Variants in ENTPD2 observed in about 807,000 individuals in gnomAD.
ENTPD2 encodes the protein CD39 antigen-like 1.
Under a neutral mutation model 46.8 loss-of-function variants are expected in ENTPD2, and 48 were observed. The ratio of observed to expected loss-of-function variants is 1.03; its 90% confidence interval spans 0.81 to 1.30. The LOEUF is 1.30. Among genes scored for constraint, ENTPD2 ranks in the 50% most tolerant of loss-of-function variants. The pLI is 0.00. For synonymous variants in ENTPD2, 316 were observed against 286.1 expected, an observed-to-expected ratio of 1.10 and a Z score of -1.06; for missense variants, 707 against 651.1, an observed-to-expected ratio of 1.09 and a Z score of -0.93.
At position 137,048,229 on chromosome 9, in the gene ENTPD2, T is replaced by G; in HGVS notation, c.*428A>C. 1 of 174,368 alleles carries G rather than the reference T, an allele frequency of 5.7e-6. No individual in the cohort carries two copies. Among genetic ancestry groups the G allele is most frequent in the Non-Finnish European group, 1.2e-5 (1 of 81,206 alleles). The allele number at this position is 174,368 out of a possible 1,614,324, so 10.8% of individuals were successfully genotyped here. On this transcript the variant is annotated 3_prime_UTR_variant, in exon 9 of 9. Transcript: ENST00000355097. ...CACAGAAGGAGCCTCTAAGGGCTGATTCTCAGGACCAAGGCCCCACTCTCT... is the reference window on the plus strand; with the variant it reads ...CACAGAAGGAGCCTCTAAGGGCTGAGTCTCAGGACCAAGGCCCCACTCTCT...
chr9:137,048,740 G>A lies in ENTPD2; in HGVS notation c.1405C>T (p.Leu469=). The A allele has an allele frequency of 6.2e-7, 1 of 1,604,690 alleles. No homozygotes were observed. The highest frequency in any genetic ancestry group is 8.5e-7 in the Non-Finnish European group (1 of 1,176,150). ...TDFSSWVVLL[L]LFASALLAAL... is the part of the protein sequence containing the mutation. ...GCCAGGAGCGCGGAGGCGAAGAGCA[G>A]CAGGAGGACGACCCAGGAGCTGAAG... is the stretch of plus-strand genomic sequence containing the variant. The change falls in exon 9 of 9, where the codon CTG becomes TTG. Residue 469 remains leucine, a synonymous_variant. Transcript: ENST00000355097.
chr9:137,048,987 T>TCAGC lies in ENTPD2; in HGVS notation c.1237_1238insGCTG (p.Tyr413CysfsTer2), dbSNP rs1401273933. 2.1e-5 allele frequency: 32 copies of TCAGC among 1,534,508 alleles called. No homozygotes were observed. Among genetic ancestry groups the TCAGC allele is most frequent in the African/African-American group, 1.8e-4 (13 of 72,458 alleles). On this transcript the variant is annotated stop_gained and frameshift_variant, in exon 8 of 9. Transcript: ENST00000355097. LOFTEE classifies it low-confidence loss of function (END_TRUNC). Reference sequence around the variant, plus strand: ...GCCGAAGGCGCGCTCGTCGAAGCCGTAGCCGCGACTCAGCAGCTGCTGCAC... The same window carrying TCAGC: ...GCCGAAGGCGCGCTCGTCGAAGCCGTCAGCAGCCGCGACTCAGCAGCTGCTGCAC...
intron 7 of ENTPD2, 102 bp from the exon 8 acceptor site, chr9:137,049,177 C>G (rs1421238915): frequency 6.6e-7 from 1 of 1,522,148 alleles, no homozygotes; most frequent in Non-Finnish European, 8.8e-7. Context: ...CCCAGACACA[C>G]ACGGGCCGTG....
chr9:137,049,819 C>A, intron 7 of ENTPD2, 51 bp downstream of exon 7: 1 of 1,559,612 alleles, frequency 6.4e-7, no homozygotes, highest in African/African-American at 1.4e-5. Context: ...CATGCGGAGG[C>A]GGAGGCTGAG....
In ENTPD2 at chr9:137,049,044, C is replaced by G; in HGVS notation, c.1181G>C (p.Arg394Pro). The change falls in exon 8 of 9, where the codon CGC (arginine) becomes CCC (proline). Residue 394 changes from arginine to proline, a missense_variant. Coordinates refer to ENST00000355097, the MANE Select transcript of ENTPD2 (RefSeq NM_203468.3). ...LQARVPGQRA[R>P]LADYCAGAMF... ...GGCCCCGGCGCAGTAGTCGGCCAGG[C>G]GGGCCCGTTGCCCTGGCACCCGAGC... 3.3e-6 allele frequency: 5 copies of G among 1,534,672 alleles called. No individual in the cohort carries two copies. The highest frequency in any genetic ancestry group is 4.4e-6 in the Non-Finnish European group (5 of 1,144,972).
rs747924861 is a variant in ENTPD2 at position 137,051,632 on chromosome 9, G to A, written c.264C>T (p.Asn88=). ...CAAGACTCTGGCTGGCCCCAGAAGG[G>A]TTGTCTGCATAGCTGGAGATGCCCC... ...PGGGISSYAD[N]PSGASQSLVG... is the part of the protein sequence containing the mutation. Residue 88 remains asparagine, a synonymous_variant, in exon 3 of 9, where the codon AAC becomes AAT. Coordinates refer to ENST00000355097, the MANE Select transcript of ENTPD2 (RefSeq NM_203468.3). 6.2e-6 allele frequency: 10 copies of A among 1,612,270 alleles called. No homozygotes were observed. Among genetic ancestry groups the A allele is most frequent in the East Asian group, 2.2e-5 (1 of 44,892 alleles).
At position 137,048,839 on chromosome 9, in the gene ENTPD2, A is replaced by G; in HGVS notation, c.1306T>C (p.Trp436Arg). Reference sequence around the variant, plus strand: ...AGGTTCAGCATGTAGCCGAGCGCCCAGCCCACTGCAGTGTCCGCGGCCTGC... The same window carrying G: ...AGGTTCAGCATGTAGCCGAGCGCCCGGCCCACTGCAGTGTCCGCGGCCTGC... ...QKKAADTAVG[W>R]ALGYMLNLTN... Residue 436 changes from tryptophan (W) to arginine (R), a missense_variant, in exon 9 of 9, where the codon TGG (tryptophan) becomes CGG (arginine). Trp to Arg is a moderately radical substitution (Grantham distance 101). Coordinates refer to ENST00000355097, the MANE Select transcript of ENTPD2 (RefSeq NM_203468.3). 1 of 1,545,286 alleles carries G rather than the reference A, an allele frequency of 6.5e-7. No individual in the cohort carries two copies. The highest frequency in any genetic ancestry group is 1.2e-5 in the South Asian group (1 of 80,638).
Position 137,049,964 on chromosome 9 carries a change from A to G in ENTPD2, c.1055T>C (p.Val352Ala). 6.2e-7 allele frequency: 1 copy of G among 1,612,640 alleles called. No individual in the cohort carries two copies. Among genetic ancestry groups the G allele is most frequent in the Non-Finnish European group, 8.5e-7 (1 of 1,179,832 alleles). Residue 352 changes from valine (V) to alanine (A), a missense_variant, in exon 7 of 9, where the codon GTG becomes GCG. Coordinates refer to ENST00000355097, the MANE Select transcript of ENTPD2 (RefSeq NM_203468.3). ...CCCCATCGAAGTCCGCAAAAAGTCC[A>G]CAGTGTAGAAGAAGGCAGAGAAGGC... is the stretch of plus-strand genomic sequence containing the variant. ...FVAFSAFFYT[V>A]DFLRTSMGLP...
At chr9:137,052,609 C>T (rs1832323210) in intron 1 of ENTPD2, 2 of 342,712 alleles carry the variant, frequency 5.8e-6, no homozygotes. Context: ...AGCAGCCTTC[C>T]TGGCAAGGGC....
Position 137,048,868 on chromosome 9 carries a change from G to C in ENTPD2, c.1285-8C>G. The C allele has an allele frequency of 6.6e-7, 1 of 1,522,372 alleles. No individual in the cohort carries two copies. The highest frequency in any genetic ancestry group is 1.8e-4 in the Middle Eastern group (1 of 5,714). The allele number at this position is 1,522,372 out of a possible 1,614,324, so 94.3% of individuals were successfully genotyped here. The stretch of plus-strand genomic sequence containing the variant: ...CACTGCAGTGTCCGCGGCCTGCGGG[G>C]AAGGGCGTGGCCTCAGCTCCCGAGA... On this transcript the variant is annotated splice_region_variant and splice_polypyrimidine_tract_variant and intron_variant, in intron 8 of 8. Transcript: ENST00000355097.
At position 137,048,574 on chromosome 9, in the gene ENTPD2, T is replaced by C. The variant is rs930349431; in HGVS notation, c.*83A>G. 5 of 1,124,830 alleles carry C rather than the reference T, an allele frequency of 4.4e-6. No homozygotes were observed. In the African/African-American group the frequency reaches 1.4e-4, roughly 31 times the overall value. The allele number at this position is 1,124,830 out of a possible 1,614,324, so 69.7% of individuals were successfully genotyped here. On this transcript the variant is annotated 3_prime_UTR_variant, in exon 9 of 9. Coordinates refer to ENST00000355097, the MANE Select transcript of ENTPD2 (RefSeq NM_203468.3). ...GGGGTGGGGATACAGGGGTGGGAGG[T>C]ACAGGGGTTGTGGGAGGGGTGGGAG...
chr9:137,052,367 G>T lies in ENTPD2; in HGVS notation c.118-19C>A. 1.5e-6 allele frequency: 2 copies of T among 1,300,154 alleles called. No homozygotes were observed. Among genetic ancestry groups the T allele is most frequent in the Non-Finnish European group, 2.2e-6 (2 of 905,328 alleles). The allele number at this position is 1,300,154 out of a possible 1,614,324, so 80.5% of individuals were successfully genotyped here. A position where few individuals can be genotyped will look rare whatever the true frequency, so the allele number is the denominator to read the frequency against. ...TGCCATACTGCGGGGGAGGGGGAGG[G>T]AGTCAGCCTGGGGTGTCCGGGGGCC... is the stretch of plus-strand genomic sequence containing the variant. On this transcript the variant is annotated intron_variant, in intron 1 of 8. Coordinates refer to ENST00000355097, the MANE Select transcript of ENTPD2 (RefSeq NM_203468.3).
chr9:137,052,208 G>A, intron 2 of ENTPD2, 23 bp downstream of exon 2: 1 of 1,603,106 alleles, frequency 6.2e-7, no homozygotes, highest in Non-Finnish European at 8.5e-7. Context: ...TGGGCGTCCT[G>A]GCTGGGCTGG....
Position 137,048,593 on chromosome 9 carries a change from G to T in ENTPD2, c.*64C>A. 1 of 1,430,194 alleles carries T rather than the reference G, an allele frequency of 7.0e-7. No homozygotes were observed. Among genetic ancestry groups the T allele is most frequent in the Non-Finnish European group, 9.4e-7 (1 of 1,068,216 alleles). The allele number at this position is 1,430,194 out of a possible 1,614,324, so 88.6% of individuals were successfully genotyped here. A position where few individuals can be genotyped will look rare whatever the true frequency, so the allele number is the denominator to read the frequency against. On this transcript the variant is annotated 3_prime_UTR_variant, in exon 9 of 9. Coordinates refer to ENST00000355097, the MANE Select transcript of ENTPD2 (RefSeq NM_203468.3). ...GGGAGGTACAGGGGTTGTGGGAGGG[G>T]TGGGAGTACGGGGTGGGGATACAGG... is the stretch of plus-strand genomic sequence containing the variant.
At chr9:137,052,924 G>C (rs1226758323) in intron 1 of ENTPD2, 1 of 152,328 alleles carries the variant, frequency 6.6e-6, no homozygotes, top group Non-Finnish European at 1.5e-5. Flanking sequence ...GGGCCAGAGA[G>C]AGAGGCTGGC....
At chr9:137,053,542 G>T (rs1564255145) in intron 1 of ENTPD2, among the ~76,000 whole-genome samples, 2 of 152,254 alleles carry the variant, frequency 1.3e-5, no homozygotes, top group African/African-American at 4.8e-5. Flanking sequence ...AGGCCTGGGG[G>T]CGGGCGTCCG....
chr9:137,051,550 G>C lies in ENTPD2; in HGVS notation c.346C>G (p.Pro116Ala), dbSNP rs779725102. The C allele has an allele frequency of 6.2e-7, 1 of 1,611,542 alleles. No homozygotes were observed. Among genetic ancestry groups the C allele is most frequent in the Non-Finnish European group, 8.5e-7 (1 of 1,179,334 alleles). Residue 116 changes from proline (P) to alanine (A), a missense_variant, in exon 3 of 9, where the codon CCC (proline) becomes GCC (alanine). By Grantham distance (27) the Pro-to-Ala change is conservative (BLOSUM62 -1). Transcript: ENST00000355097. ...DVPKERHAGT[P>A]LYLGATAGMR... ...CCCGCTGTGGCTCCCAGGTAGAGGGGTGTGCCCGCGTGTCTCTCTTTGGGC... is the reference window on the plus strand; with the variant it reads ...CCCGCTGTGGCTCCCAGGTAGAGGGCTGTGCCCGCGTGTCTCTCTTTGGGC...
intron 3 of ENTPD2, 69 bp downstream of exon 3, chr9:137,051,441 A>G (rs1832294982): frequency 6.5e-7 from 1 of 1,542,886 alleles, no homozygotes; most frequent in Non-Finnish European, 8.7e-7. Flanking sequence ...GGGTGCTCGG[A>G]GTCCGCCCTG....
At chr9:137,053,478 C>A (rs116558587) in intron 1 of ENTPD2, 3,514 of 164,484 alleles carry the variant, frequency 0.021, 134 homozygotes, top group African/African-American at 0.077. Flanking sequence ...ACCGCACCCT[C>A]CGGGGCGGCG....
Sources: allele counts gnomAD v4.1 joint callset (sites outside exome capture counted in the v4.1 genomes callset), GRCh38; gene constraint gnomAD v4.1.1; transcripts MANE v1.5; gene names NCBI Gene and HGNC (gene_info 2026-07-23, HGNC 2026-07-21).